The following APBA1 variants were observed in gnomAD, a reference collection of about 807,000 sequenced individuals.
APBA1 encodes the protein amyloid-beta A4 precursor protein-binding family A member 1.
Under a neutral mutation model 86.6 loss-of-function variants are expected in APBA1, and 55 were observed. The observed-to-expected ratio is 0.64, with a 90% confidence interval of 0.51 to 0.80. APBA1 has a LOEUF of 0.80. Ranked by LOEUF, APBA1 falls within the 30% of genes least tolerant of loss-of-function variation. The probability of loss-of-function intolerance (pLI) is 0.00; values close to 1 mark genes in which losing one functional copy is unlikely to be tolerated. For missense variants in APBA1, 1,090 were observed against 1,183.0 expected (o/e 0.92, Z 1.15); for synonymous variants, 511 against 493.9 (o/e 1.03, Z -0.46).
intron 10 of APBA1, among the ~76,000 whole-genome samples, chr9:69,444,446 C>T (rs1268688336): frequency 6.6e-6 from 1 of 152,200 alleles, no homozygotes. Flanking sequence ...AAAACCTGAA[C>T]TCAAGTTTTG....
rs115319459 is a variant in APBA1 at position 69,497,486 on chromosome 9, T to C, written c.1200+18525A>G. ...GGCCACGATGAGGCTGCACAAGGGT[T>C]GAAGACAACGTGCCCAGTGGCCCAG... On this transcript the variant is annotated intron_variant, in intron 2 of 12. Transcript: ENST00000265381. Among the ~76,000 whole-genome samples, 1,216 of 152,228 alleles carry C rather than the reference T, an allele frequency of 8.0e-3. 24 individuals carry two copies. The highest frequency in any genetic ancestry group is 0.028 in the African/African-American group (1,170 of 41,542).
chr9:69,557,063 A>G (rs1836874152), intron 1 of APBA1, among the ~76,000 whole-genome samples: 1 of 152,254 alleles, frequency 6.6e-6, no homozygotes, highest in Admixed American at 6.5e-5. Context: ...AGAATGCTGT[A>G]GATGAACAAA....
At chr9:69,560,502 C>T (rs1588363854) in intron 1 of APBA1, among the ~76,000 whole-genome samples, 1 of 152,292 alleles carries the variant, frequency 6.6e-6, no homozygotes, top group East Asian at 1.9e-4. Flanking sequence ...TATTTAACTT[C>T]TCTGAACCTT....
intron 1 of APBA1, among the ~76,000 whole-genome samples, chr9:69,538,661 T>C (rs1017466632): frequency 6.6e-6 from 1 of 152,208 alleles, no homozygotes; most frequent in African/African-American, 2.4e-5. Context: ...GTTACACACA[T>C]AGGTAGTGTC....
chr9:69,642,757 T>C (rs1006856685), intron 1 of APBA1, among the ~76,000 whole-genome samples: 1 of 151,832 alleles, frequency 6.6e-6, no homozygotes, highest in Admixed American at 6.6e-5. Flanking sequence ...GATTGCCCAC[T>C]ATAATATAAG....
intron 1 of APBA1, among the ~76,000 whole-genome samples, chr9:69,597,288 G>A (rs928594128): frequency 6.6e-6 from 1 of 152,160 alleles, no homozygotes; most frequent in African/African-American, 2.4e-5. Flanking sequence ...ATGTTTTCAC[G>A]TGTCTTTTGG....
At chr9:69,518,127 G>A (rs10481750) in intron 1 of APBA1, among the ~76,000 whole-genome samples, 86,611 of 151,764 alleles carry the variant, frequency 0.57, 26,248 homozygotes, top group Non-Finnish European at 0.67. Context: ...AATATTAGGG[G>A]AAAATATCCA....
At chr9:69,432,409 G>T (rs1834617128) in intron 12 of APBA1, 127 bp downstream of exon 12, 2 of 904,506 alleles carry the variant, frequency 2.2e-6, no homozygotes, top group African/African-American at 1.7e-5. Flanking sequence ...CTGCTTGTTG[G>T]GGAGTGTTCA....
chr9:69,658,312 T>TCTCTCTCTC (rs1564105072), intron 1 of APBA1, among the ~76,000 whole-genome samples: 16 of 75,576 alleles, frequency 2.1e-4, no homozygotes, highest in Middle Eastern at 6.2e-3. Flanking sequence ...CTCTCTTTCT[T>TCTCTCTCTC]TCTTTCTTTC....
intron 1 of APBA1, among the ~76,000 whole-genome samples, chr9:69,550,658 T>A (rs1371322149): frequency 6.6e-6 from 1 of 152,252 alleles, no homozygotes; most frequent in Non-Finnish European, 1.5e-5. Context: ...TCATGGAACT[T>A]ACCCTGAGGA....
chr9:69,571,272 C>T (rs371500408), intron 1 of APBA1, among the ~76,000 whole-genome samples: 15 of 152,156 alleles, frequency 9.9e-5, no homozygotes, highest in East Asian at 7.7e-4. Flanking sequence ...CAGCATTAGT[C>T]ATCTGTTTCC....
chr9:69,439,204 C>A (rs969448633), intron 11 of APBA1, among the ~76,000 whole-genome samples: 13 of 115,422 alleles, frequency 1.1e-4, no homozygotes, highest in Non-Finnish European at 3.5e-5. Flanking sequence ...CTCTGGCTGC[C>A]CTTAACGTTT....
At chr9:69,458,038 T>A (rs1273965760) in intron 6 of APBA1, 118 bp downstream of exon 6, 4 of 1,102,318 alleles carry the variant, frequency 3.6e-6, no homozygotes, top group Non-Finnish European at 5.1e-6. Context: ...CAAAAAGAAA[T>A]CTGAACAAAA....
intron 1 of APBA1, among the ~76,000 whole-genome samples, chr9:69,599,643 TC>T (rs1180882265): frequency 1.3e-5 from 2 of 152,156 alleles, no homozygotes; most frequent in Non-Finnish European, 2.9e-5. Context: ...ACAGTGGTTC[TC>T]AAAGTGTGGC....
chr9:69,563,691 G>T (rs1836982237), intron 1 of APBA1, among the ~76,000 whole-genome samples: 1 of 151,688 alleles, frequency 6.6e-6, no homozygotes, highest in South Asian at 2.1e-4. Context: ...TATCCATCAA[G>T]ATTCAAATCA....
At chr9:69,570,449 A>G (rs1404292034) in intron 1 of APBA1, among the ~76,000 whole-genome samples, 1 of 152,208 alleles carries the variant, frequency 6.6e-6, no homozygotes, top group Non-Finnish European at 1.5e-5. Context: ...GTAATACTGT[A>G]ATATATCCTT....
chr9:69,526,737 A>G (rs1836348893), intron 1 of APBA1, among the ~76,000 whole-genome samples: 2 of 152,052 alleles, frequency 1.3e-5, no homozygotes, highest in Admixed American at 1.3e-4. Context: ...TGTTCTCGGT[A>G]GAATATTGTT....
intron 1 of APBA1, among the ~76,000 whole-genome samples, chr9:69,647,486 A>G (rs902503870): frequency 3.3e-5 from 5 of 152,248 alleles, no homozygotes; most frequent in East Asian, 3.8e-4. Flanking sequence ...TTTAAAAGCC[A>G]CAGTAAAGTG....
At chr9:69,586,243 A>G (rs1822017313) in intron 1 of APBA1, among the ~76,000 whole-genome samples, 1 of 152,208 alleles carries the variant, frequency 6.6e-6, no homozygotes, top group African/African-American at 2.4e-5. Context: ...CAGATTGACT[A>G]TTGGCATCTC....
Sources: gnomAD v4.1 joint callset for allele counts (sites outside exome capture counted in the v4.1 genomes callset) on GRCh38, gnomAD v4.1.1 for gene constraint, MANE v1.5 for transcripts, NCBI Gene and HGNC (gene_info 2026-07-23, HGNC 2026-07-21) for gene names.